The following KSR2 variants were observed in gnomAD, a reference collection of about 807,000 sequenced individuals.
The protein encoded by KSR2 is kinase suppressor of ras 2.
A neutral mutation model predicts 107.8 loss-of-function variants in KSR2; 25 were observed. The ratio of observed to expected loss-of-function variants is 0.23; its 90% confidence interval spans 0.17 to 0.32. The LOEUF (loss-of-function observed/expected upper bound fraction) is 0.32. Among genes scored for constraint, KSR2 ranks in the 10% least tolerant of loss-of-function variants. The pLI is 1.00. For synonymous variants in KSR2, 480 were observed against 507.0 expected (o/e 0.95, Z 0.71); for missense variants, 887 against 1,268.9 (o/e 0.70, Z 4.57).
At chr12:117,686,972 G>C (rs185310661) in intron 4 of KSR2, among the ~76,000 whole-genome samples, 2 of 152,108 alleles carry the variant, frequency 1.3e-5, no homozygotes, top group Non-Finnish European at 2.9e-5. Context: ...TGGGGCTGGC[G>C]GGCTGGCTGG....
chr12:117,568,693 G>A (rs942626951), intron 7 of KSR2, among the ~76,000 whole-genome samples: 2 of 151,614 alleles, frequency 1.3e-5, no homozygotes, highest in South Asian at 2.1e-4. Context: ...TCTGGCACCT[G>A]GGTGAGCCCC....
intron 4 of KSR2, among the ~76,000 whole-genome samples, chr12:117,708,157 C>G (rs1163397563): frequency 6.6e-6 from 1 of 152,284 alleles, no homozygotes; most frequent in East Asian, 1.9e-4. Flanking sequence ...GACAGTTTGG[C>G]AAAATAAATG....
chr12:117,846,998 G>T (rs1399412229), intron 3 of KSR2, among the ~76,000 whole-genome samples: 3 of 152,242 alleles, frequency 2.0e-5, no homozygotes, highest in Non-Finnish European at 2.9e-5. Context: ...AAGCGCGTTC[G>T]CATCAGGTTT....
intron 4 of KSR2, among the ~76,000 whole-genome samples, chr12:117,720,953 A>C (rs7979852): frequency 0.38 from 57,910 of 152,014 alleles, 11,199 homozygotes; most frequent in Middle Eastern, 0.47. Flanking sequence ...GTATATAACA[A>C]AGATGACAGT....
chr12:117,533,580 C>T (rs752817771), intron 10 of KSR2, among the ~76,000 whole-genome samples: 5 of 152,162 alleles, frequency 3.3e-5, no homozygotes, highest in African/African-American at 9.7e-5. Flanking sequence ...GACTGTTTTA[C>T]TATTAGATAA....
chr12:117,835,829 C>T (rs1217493550), intron 3 of KSR2, among the ~76,000 whole-genome samples: 1 of 151,954 alleles, frequency 6.6e-6, no homozygotes, highest in African/African-American at 2.4e-5. Flanking sequence ...AGGGGCTAGC[C>T]CTTTTTGTGC....
At chr12:117,809,548 G>T (rs1403722808) in intron 3 of KSR2, among the ~76,000 whole-genome samples, 1 of 152,122 alleles carries the variant, frequency 6.6e-6, no homozygotes, top group East Asian at 1.9e-4. Context: ...TATTTTCCTG[G>T]CCACTTAAAC....
At chr12:117,573,046 T>C (rs1878998729) in intron 7 of KSR2, among the ~76,000 whole-genome samples, 2 of 152,256 alleles carry the variant, frequency 1.3e-5, no homozygotes, top group African/African-American at 4.8e-5. Context: ...CATGAACCTA[T>C]TAGATGAAAA....
chr12:117,525,538 G>T lies in KSR2; in HGVS notation c.1852-319C>A, dbSNP rs1471862889. Among the ~76,000 whole-genome samples, 3 of 152,154 alleles carry T rather than the reference G, an allele frequency of 2.0e-5. No homozygotes were observed. In the East Asian group the frequency reaches 5.8e-4, roughly 29 times the overall value. ...AATCTTCCTGGTTTTAGCACCGAAA[G>T]TCCCATATGTTGCCCTGGGAAGTGA... On this transcript the variant is annotated intron_variant, in intron 13 of 19. Transcript: ENST00000339824.
chr12:117,561,580 T>TAAA (rs1878122932), intron 7 of KSR2, among the ~76,000 whole-genome samples: 24 of 152,190 alleles, frequency 1.6e-4, no homozygotes, highest in Admixed American at 1.6e-3. Flanking sequence ...CTTCCTAACT[T>TAAA]GCACTCTTTT....
At chr12:117,513,877 T>G (rs1334038380) in intron 14 of KSR2, among the ~76,000 whole-genome samples, 2 of 152,248 alleles carry the variant, frequency 1.3e-5, no homozygotes, top group Non-Finnish European at 2.9e-5. Context: ...TTTCTGTTTT[T>G]TGAATCTCTT....
At chr12:117,797,697 G>C (rs60775723) in intron 3 of KSR2, among the ~76,000 whole-genome samples, 2 of 150,412 alleles carry the variant, frequency 1.3e-5, no homozygotes, top group African/African-American at 4.9e-5. Flanking sequence ...ACCCAGGCTA[G>C]AGTGCAGTGG....
chr12:117,675,259 AC>A (rs1885069803), intron 4 of KSR2, among the ~76,000 whole-genome samples: 1 of 152,120 alleles, frequency 6.6e-6, no homozygotes, highest in South Asian at 2.1e-4. Flanking sequence ...TAAGACAGGG[AC>A]CCAGAAGCTG....
chr12:117,880,577 G>T (rs184777078), intron 1 of KSR2, among the ~76,000 whole-genome samples: 1 of 152,084 alleles, frequency 6.6e-6, no homozygotes, highest in Non-Finnish European at 1.5e-5. Flanking sequence ...GGCTGGGAGG[G>T]ATGGAAAACA....
At chr12:117,790,407 C>T (rs189560588) in intron 3 of KSR2, among the ~76,000 whole-genome samples, 1 of 152,286 alleles carries the variant, frequency 6.6e-6, no homozygotes, top group East Asian at 1.9e-4. Context: ...CAGCCTTCCA[C>T]TAAATACACA....
Position 117,467,095 on chromosome 12 carries a change from CCTCTGATGCTGAGT to C in KSR2, c.*90_*103del. ...CTCCCAGGTCGGTCGGGGTTGGTAC[CCTCTGATGCTGAGT>C]CTCTGGCCTCCTGAGCTGGCAGAGG... On this transcript the variant is annotated 3_prime_UTR_variant, in exon 20 of 20. Coordinates refer to ENST00000339824, the MANE Select transcript of KSR2 (RefSeq NM_173598.6). 1.9e-6 allele frequency: 1 copy of C among 532,432 alleles called. No individual in the cohort carries two copies. Among genetic ancestry groups the C allele is most frequent in the Admixed American group, 3.6e-5 (1 of 27,986 alleles). The allele number at this position is 532,432 out of a possible 1,614,324, so 33.0% of individuals were successfully genotyped here.
At chr12:117,510,702 A>G (rs1036192555) in intron 14 of KSR2, among the ~76,000 whole-genome samples, 1 of 152,078 alleles carries the variant, frequency 6.6e-6, no homozygotes. Flanking sequence ...ACATGGAGAA[A>G]TCCTGTCTCT....
intron 3 of KSR2, among the ~76,000 whole-genome samples, chr12:117,769,183 G>A (rs553884080): frequency 6.6e-6 from 1 of 151,996 alleles, no homozygotes; most frequent in South Asian, 2.1e-4. Flanking sequence ...TTTCTAGCCT[G>A]AAAAGATTGA....
chr12:117,590,443 C>T (rs1880252286), intron 5 of KSR2, among the ~76,000 whole-genome samples: 1 of 152,130 alleles, frequency 6.6e-6, no homozygotes, highest in African/African-American at 2.4e-5. Context: ...GGCTCGGTTT[C>T]TCCTATAAAA....
Sources: allele counts gnomAD v4.1 joint callset (sites outside exome capture counted in the v4.1 genomes callset), GRCh38; gene constraint gnomAD v4.1.1; transcripts MANE v1.5; gene names NCBI Gene and HGNC (gene_info 2026-07-23, HGNC 2026-07-21).